Variants in ANKS3 observed in about 807,000 individuals in gnomAD.
ANKS3 encodes ankyrin repeat and sterile alpha motif domain containing 3, also known as ankyrin repeat and SAM domain-containing protein 3.
Under a neutral mutation model 80.7 loss-of-function variants are expected in ANKS3, and 62 were observed. The ratio of observed to expected loss-of-function variants is 0.77; its 90% CI spans 0.63 to 0.95. ANKS3 has a LOEUF of 0.95. Ranked by LOEUF, ANKS3 falls within the 40% of genes least tolerant of loss-of-function variation. The pLI is 0.00. For missense variants in ANKS3, 1,150 were observed against 883.6 expected (o/e 1.30, Z -3.82); for synonymous variants, 489 against 355.3 (o/e 1.38, Z -4.23).
intron 1 of ANKS3, among the ~76,000 whole-genome samples, chr16:4,732,897 G>A (rs2081724827): frequency 6.6e-6 from 1 of 152,040 alleles, no homozygotes; most frequent in Non-Finnish European, 1.5e-5. Context: ...CATAAAAAAA[G>A]AATGAGATCC....
Position 4,714,191 on chromosome 16 carries a change from G to A in ANKS3, c.574-5C>T. The A allele has an allele frequency of 6.2e-7, 1 of 1,613,922 alleles. No individual in the cohort carries two copies. The highest frequency in any genetic ancestry group is 1.1e-5 in the South Asian group (1 of 91,050). Reference sequence around the variant, plus strand: ...TCTCGCGTCCACCTTGACTCCCTGTGAATGTCCGTGAAAGGGGGTTAGGGG... The same window carrying A: ...TCTCGCGTCCACCTTGACTCCCTGTAAATGTCCGTGAAAGGGGGTTAGGGG... On this transcript the variant is annotated splice_region_variant and splice_polypyrimidine_tract_variant and intron_variant, in intron 6 of 17. Transcript: ENST00000304283.
intron 6 of ANKS3, among the ~76,000 whole-genome samples, chr16:4,722,591 A>T (rs1190184944): frequency 1.3e-5 from 2 of 150,876 alleles, no homozygotes; most frequent in African/African-American, 4.9e-5. Flanking sequence ...AAAAAAAAAA[A>T]AAGAAATACA....
chr16:4,709,204 C>T (rs8049414), intron 7 of ANKS3, among the ~76,000 whole-genome samples: 2,793 of 151,654 alleles, frequency 0.018, 79 homozygotes, highest in African/African-American at 0.065. Flanking sequence ...GTCGGGAGTT[C>T]GAGACCACCC....
In ANKS3 at chr16:4,732,048, A is replaced by AG. The variant is rs1300179872; in HGVS notation, c.-70-470dup. Among the ~76,000 whole-genome samples the AG allele has an allele frequency of 5.9e-5, 9 of 152,330 alleles. 1 individual carries two copies. Among genetic ancestry groups the AG allele is most frequent in the Non-Finnish European group, 1.3e-4 (9 of 68,030 alleles). On this transcript the variant is annotated intron_variant, in intron 1 of 17. Coordinates refer to ENST00000304283, the MANE Select transcript of ANKS3 (RefSeq NM_133450.4). Reference sequence around the variant, plus strand: ...CTATTAAAGAATGCTTCCAAGCCCCAGGTGACAGCCAAGATGGCTAAAGAA... The same window carrying AG: ...CTATTAAAGAATGCTTCCAAGCCCCAGGGTGACAGCCAAGATGGCTAAAGAA...
chr16:4,696,925 A>AG (rs1254651915), intron 17 of ANKS3, 29 bp from the exon 18 acceptor site: 4 of 1,156,612 alleles, frequency 3.5e-6, no homozygotes, highest in Non-Finnish European at 5.1e-6. Context: ...GTGAGAAGGG[A>AG]GGGGGACAGG....
At chr16:4,715,262 T>G (rs528121305) in intron 6 of ANKS3, among the ~76,000 whole-genome samples, 1 of 152,064 alleles carries the variant, frequency 6.6e-6, no homozygotes, top group African/African-American at 2.4e-5. Context: ...CAACACAGCA[T>G]GAACCCACCT....
chr16:4,713,985 G>A, intron 7 of ANKS3, 66 bp downstream of exon 7: 8 of 1,577,454 alleles, frequency 5.1e-6, no homozygotes, highest in Non-Finnish European at 6.9e-6. Context: ...ATCTTTCTCT[G>A]CCAGGTCACC....
chr16:4,701,266 C>A, intron 10 of ANKS3, 132 bp from the exon 11 acceptor site: 1 of 1,440,768 alleles, frequency 6.9e-7, no homozygotes, highest in Non-Finnish European at 9.5e-7. Context: ...GCTTCCGGTG[C>A]GTTCGCTGTC....
At chr16:4,715,479 C>G (rs979286224) in intron 6 of ANKS3, among the ~76,000 whole-genome samples, 3 of 151,962 alleles carry the variant, frequency 2.0e-5, no homozygotes, top group Non-Finnish European at 4.4e-5. Context: ...GCCTGTAGTC[C>G]CAGCTACTCA....
rs751113006 is a variant in ANKS3 at position 4,698,515 on chromosome 16, G to C, written c.1636C>G (p.Gln546Glu). The C allele has an allele frequency of 7.0e-6, 11 of 1,567,446 alleles. No individual in the cohort carries two copies. In the East Asian group the frequency reaches 2.3e-4, roughly 33 times the overall value. The part of the protein sequence containing the change: ...RAVVESCLLE[Q>E]DRAREDLQAR... ...TGGAGGTCCTCGCGGGCGCGGTCCT[G>C]CTCCAGCAGGCAGCTCTCCACCACG... The change falls in exon 14 of 18, where the codon CAG becomes GAG. Residue 546 changes from glutamine (Q) to glutamate (E), a missense_variant. By Grantham distance (29) the Gln-to-Glu change is conservative. Transcript: ENST00000304283.
chr16:4,700,467 C>T (rs980629220), intron 11 of ANKS3: 6 of 241,438 alleles, frequency 2.5e-5, no homozygotes, highest in Admixed American at 5.1e-5. Flanking sequence ...CTCTCCTCTC[C>T]GTGCCTCTTC....
At chr16:4,721,001 TAAAA>T (rs1403888785) in intron 6 of ANKS3, among the ~76,000 whole-genome samples, 5 of 68,524 alleles carry the variant, frequency 7.3e-5, no homozygotes, top group East Asian at 4.4e-4. Flanking sequence ...CATGCCACCA[TAAAA>T]AAAAAAAAAA....
At chr16:4,718,368 G>C (rs562827759) in intron 6 of ANKS3, among the ~76,000 whole-genome samples, 2 of 152,140 alleles carry the variant, frequency 1.3e-5, no homozygotes, top group African/African-American at 2.4e-5. Context: ...AAGACTATCC[G>C]GAAGGCACGA....
chr16:4,705,753 C>T (rs1419445814), intron 7 of ANKS3, among the ~76,000 whole-genome samples: 1 of 152,028 alleles, frequency 6.6e-6, no homozygotes, highest in African/African-American at 2.4e-5. Flanking sequence ...AGCCACCATG[C>T]CCAGCCAGGA....
At chr16:4,717,767 G>A (rs1227969886) in intron 6 of ANKS3, among the ~76,000 whole-genome samples, 1 of 151,458 alleles carries the variant, frequency 6.6e-6, no homozygotes, top group African/African-American at 2.4e-5. Flanking sequence ...TCCCTTCTCA[G>A]CCTCCCTGGG....
At chr16:4,711,736 A>AG (rs781466770) in intron 7 of ANKS3, among the ~76,000 whole-genome samples, 1 of 148,032 alleles carries the variant, frequency 6.8e-6, no homozygotes. Flanking sequence ...AAAAAAAAAA[A>AG]AGGGAGAAAA....
chr16:4,701,563 G>T lies in ANKS3; in HGVS notation c.1010-20C>A. ...GTTCCTCTGAGGGCGGGAAGACAGG[G>T]CGTCCGCCTGCAGCCCTCACCGAGG... On this transcript the variant is annotated intron_variant, in intron 9 of 17. Coordinates refer to ENST00000304283, the MANE Select transcript of ANKS3 (RefSeq NM_133450.4). The T allele has an allele frequency of 6.3e-7, 1 of 1,594,256 alleles. No individual in the cohort carries two copies. The highest frequency in any genetic ancestry group is 8.5e-7 in the Non-Finnish European group (1 of 1,169,818).
At position 4,721,610 on chromosome 16, in the gene ANKS3, C is replaced by CTTTATTGA. The variant is rs548364859; in HGVS notation, c.573+3132_573+3139dup. 3.0e-3 allele frequency among the ~76,000 whole-genome samples: 393 copies of CTTTATTGA among 129,884 alleles called. 3 individuals are homozygous for CTTTATTGA. The highest frequency in any genetic ancestry group is 9.3e-3 in the African/African-American group (358 of 38,442). The allele number at this position is 129,884 out of a possible 152,430, so 85.2% of individuals were successfully genotyped here. ...TGAGGGACAGAGCAAGACCCCATCT[C>CTTTATTGA]TTTATTGATTTATTGATTTATTTAT... On this transcript the variant is annotated intron_variant, in intron 6 of 17. Transcript: ENST00000304283.
At chr16:4,721,625 G>GATTGATTT (rs1555474741) in intron 6 of ANKS3, among the ~76,000 whole-genome samples, 19 of 145,514 alleles carry the variant, frequency 1.3e-4, no homozygotes, top group African/African-American at 2.3e-4. Context: ...TTGATTTATT[G>GATTGATTT]ATTTATTTAT....
Sources: gnomAD v4.1 joint callset for allele counts (sites outside exome capture counted in the v4.1 genomes callset) on GRCh38, gnomAD v4.1.1 for gene constraint, MANE v1.5 for transcripts, NCBI Gene and HGNC (gene_info 2026-07-23, HGNC 2026-07-21) for gene names.